The following RCAN2 variants were observed in gnomAD, a reference collection of about 807,000 sequenced individuals.
RCAN2 encodes the protein calcipressin-2.
A neutral mutation model predicts 23.6 loss-of-function variants in RCAN2; 9 were observed. That is an observed-to-expected ratio of 0.38 (90% confidence interval 0.23 to 0.67). The LOEUF (loss-of-function observed/expected upper bound fraction) is 0.67, where lower values mean the gene tolerates loss of function less well. RCAN2 is among the 30% of genes least tolerant of loss of function. The pLI is 0.51. For missense variants in RCAN2, 273 were observed against 302.3 expected, an observed-to-expected ratio of 0.90 and a Z score of 0.72; for synonymous variants, 109 against 115.7, an observed-to-expected ratio of 0.94 and a Z score of 0.37.
chr6:46,316,592 C>T (rs1323293771), intron 2 of RCAN2, among the ~76,000 whole-genome samples: 1 of 152,130 alleles, frequency 6.6e-6, no homozygotes. Context: ...CTTTTGTATC[C>T]AATGGGATTA....
intron 2 of RCAN2, among the ~76,000 whole-genome samples, chr6:46,363,776 T>G (rs1765086454): frequency 7.0e-6 from 1 of 142,354 alleles, no homozygotes; most frequent in South Asian, 2.4e-4. Context: ...TGATAATTTT[T>G]AAAAAGTAAA....
intron 2 of RCAN2, among the ~76,000 whole-genome samples, chr6:46,316,108 A>G (rs1293059846): frequency 2.6e-5 from 4 of 152,164 alleles, no homozygotes; most frequent in Non-Finnish European, 5.9e-5. Context: ...TGCAAAGATG[A>G]GTTGAAAACT....
intron 2 of RCAN2, among the ~76,000 whole-genome samples, chr6:46,338,462 G>A (rs1764208484): frequency 6.6e-6 from 1 of 152,130 alleles, no homozygotes; most frequent in Non-Finnish European, 1.5e-5. Context: ...GCCTGGCTAG[G>A]GTAATCTTAA....
chr6:46,317,553 C>T (rs551239361), intron 2 of RCAN2, among the ~76,000 whole-genome samples: 1 of 152,246 alleles, frequency 6.6e-6, no homozygotes, highest in South Asian at 2.1e-4. Context: ...GCTCCACCTC[C>T]CCGGTTAAGG....
At chr6:46,418,530 C>A (rs1766774361) in intron 2 of RCAN2, among the ~76,000 whole-genome samples, 1 of 151,840 alleles carries the variant, frequency 6.6e-6, no homozygotes, top group South Asian at 2.1e-4. Context: ...CTCGTCTGAC[C>A]AGTCTCAGTG....
chr6:46,474,429 A>C (rs1467270968), intron 1 of RCAN2, among the ~76,000 whole-genome samples: 3 of 152,140 alleles, frequency 2.0e-5, no homozygotes, highest in Non-Finnish European at 4.4e-5. Context: ...AGCAATGAGG[A>C]ATATTCTTGA....
rs964481320 is a variant in RCAN2 at position 46,491,379 on chromosome 6, C to G, written c.-209G>C. The G allele has an allele frequency of 6.6e-6, 1 of 152,212 alleles. No individual in the cohort carries two copies. Among genetic ancestry groups the G allele is most frequent in the Non-Finnish European group, 1.5e-5 (1 of 68,232 alleles). 9.4% of individuals were successfully genotyped at this position (152,212 alleles called of 1,614,324 possible). On this transcript the variant is annotated 5_prime_UTR_variant, in exon 1 of 5. Transcript: ENST00000371374. ...CCTCCCTCTCTCTGCCGCCGTGGGT[C>G]AGTGGGATTCTGCCTGCTGCCCGCT...
chr6:46,432,305 C>T (rs2150417636), intron 2 of RCAN2, among the ~76,000 whole-genome samples: 1 of 152,124 alleles, frequency 6.6e-6, no homozygotes, highest in Non-Finnish European at 1.5e-5. Context: ...CCTCTGCCTC[C>T]CTGGTTCAAG....
chr6:46,475,093 A>T (rs1008144626), intron 1 of RCAN2, among the ~76,000 whole-genome samples: 1 of 152,220 alleles, frequency 6.6e-6, no homozygotes, highest in Non-Finnish European at 1.5e-5. Context: ...TAAGAATCTT[A>T]GAGGGAAGCT....
chr6:46,407,555 G>C (rs1276792919), intron 2 of RCAN2, among the ~76,000 whole-genome samples: 1 of 152,178 alleles, frequency 6.6e-6, no homozygotes, highest in Non-Finnish European at 1.5e-5. Context: ...AAAAATGAAA[G>C]AGCTCGTCTT....
rs558991285 is a variant in RCAN2 at position 46,223,153 on chromosome 6, G to A, written c.720C>T (p.Ser240=). The A allele has an allele frequency of 2.0e-5, 33 of 1,613,340 alleles. No homozygotes were observed. Among genetic ancestry groups the A allele is most frequent in the South Asian group, 3.3e-5 (3 of 91,024 alleles). ...IQTRRPGLPP[S]VSN ...AGGAGCAGGCAGCTCAGTTGGACAC[G>A]GAGGGTGGCAGGCCAGGACGCCGAG... Residue 240 remains serine, a synonymous_variant, in exon 5 of 5, where the codon TCC becomes TCT. Coordinates refer to ENST00000371374, the MANE Select transcript of RCAN2 (RefSeq NM_001251974.2).
At chr6:46,224,716 C>A (rs1765590187) in intron 4 of RCAN2, among the ~76,000 whole-genome samples, 1 of 152,112 alleles carries the variant, frequency 6.6e-6, no homozygotes, top group African/African-American at 2.4e-5. Flanking sequence ...AGTGACAGGG[C>A]ACTAATTATG....
chr6:46,333,867 A>G (rs1764061429), intron 2 of RCAN2, among the ~76,000 whole-genome samples: 1 of 152,210 alleles, frequency 6.6e-6, no homozygotes, highest in Non-Finnish European at 1.5e-5. Context: ...GATATCCTAA[A>G]CACACACTAG....
chr6:46,379,264 G>A (rs1488820074), intron 2 of RCAN2, among the ~76,000 whole-genome samples: 1 of 152,072 alleles, frequency 6.6e-6, no homozygotes, highest in African/African-American at 2.4e-5. Context: ...GGGAGGAAAG[G>A]CTACTTCCAG....
intron 2 of RCAN2, among the ~76,000 whole-genome samples, chr6:46,320,986 G>T (rs1763597188): frequency 6.6e-6 from 1 of 152,172 alleles, no homozygotes; most frequent in African/African-American, 2.4e-5. Context: ...TAGTGCTGGT[G>T]GGGGGACTAG....
At chr6:46,310,163 A>G (rs959425721) in intron 2 of RCAN2, among the ~76,000 whole-genome samples, 5 of 152,126 alleles carry the variant, frequency 3.3e-5, no homozygotes, top group Admixed American at 6.6e-5. Flanking sequence ...AAAGACCTGA[A>G]GAGATTTGGT....
intron 2 of RCAN2, among the ~76,000 whole-genome samples, chr6:46,409,297 T>C (rs1766488677): frequency 6.6e-6 from 1 of 152,216 alleles, no homozygotes; most frequent in African/African-American, 2.4e-5. Flanking sequence ...GGAAGGGTTA[T>C]ATAACCAAAT....
At position 46,222,874 on chromosome 6, in the gene RCAN2, A is replaced by G. The variant is rs1765521708; in HGVS notation, c.*267T>C. 1 of 378,716 alleles carries G rather than the reference A, an allele frequency of 2.6e-6. No individual in the cohort carries two copies. Among genetic ancestry groups the G allele is most frequent in the Non-Finnish European group, 4.8e-6 (1 of 207,472 alleles). 23.5% of individuals were successfully genotyped at this position (378,716 alleles called of 1,614,324 possible). A position where few individuals can be genotyped will look rare whatever the true frequency, so the allele number is the denominator to read the frequency against. On this transcript the variant is annotated 3_prime_UTR_variant, in exon 5 of 5. Coordinates refer to ENST00000371374, the MANE Select transcript of RCAN2 (RefSeq NM_001251974.2). Reference sequence around the variant, plus strand: ...TGGCTTGGATCAACATGAGAGAACAAAGATATAGGCTGTGCTGATTGTTTA... The same window carrying G: ...TGGCTTGGATCAACATGAGAGAACAGAGATATAGGCTGTGCTGATTGTTTA...
intron 2 of RCAN2, among the ~76,000 whole-genome samples, chr6:46,378,986 C>T (rs1765551998): frequency 6.6e-6 from 1 of 152,092 alleles, no homozygotes; most frequent in South Asian, 2.1e-4. Flanking sequence ...GGAACAGTGG[C>T]CTATTGTGCA....
Sources: allele counts gnomAD v4.1 joint callset (sites outside exome capture counted in the v4.1 genomes callset), GRCh38; gene constraint gnomAD v4.1.1; transcripts MANE v1.5; gene names NCBI Gene and HGNC (gene_info 2026-07-23, HGNC 2026-07-21).